SOX6: variants seen among roughly 807,000 people sequenced by gnomAD.
SOX6 encodes transcription factor SOX-6.
In SOX6, 11 loss-of-function variants were observed where a neutral mutation model predicts 97.8. The ratio of observed to expected loss-of-function variants is 0.11; its 90% CI spans 0.07 to 0.19. The LOEUF (loss-of-function observed/expected upper bound fraction) is 0.19, where lower values mean the gene tolerates loss of function less well. SOX6 is among the 10% of genes least tolerant of loss of function. SOX6 has a pLI of 1.00. For missense variants in SOX6, 810 were observed against 1,039.5 expected, an observed-to-expected ratio of 0.78 and a Z score of 3.04; for synonymous variants, 360 against 371.4, an observed-to-expected ratio of 0.97 and a Z score of 0.35.
intron 4 of SOX6, among the ~76,000 whole-genome samples, chr11:16,222,946 G>A (rs548028385): frequency 7.3e-4 from 111 of 151,924 alleles, no homozygotes; most frequent in Middle Eastern, 6.8e-3. Flanking sequence ...AATGCATAAC[G>A]CATCGTTTTA....
intron 6 of SOX6, among the ~76,000 whole-genome samples, chr11:16,152,408 CACAA>C (rs1248076920): frequency 6.6e-6 from 1 of 152,144 alleles, no homozygotes; most frequent in African/African-American, 2.4e-5. Flanking sequence ...ATGCTCACTT[CACAA>C]ACAAATATAA....
chr11:16,215,016 G>A (rs577050112), intron 4 of SOX6, among the ~76,000 whole-genome samples: 6 of 152,076 alleles, frequency 3.9e-5, no homozygotes, highest in Non-Finnish European at 8.8e-5. Flanking sequence ...CCAAAGTGCT[G>A]GGATTACAGG....
chr11:16,523,418 TG>T (rs1450938466), intron 4 of SOX6, among the ~76,000 whole-genome samples: 1 of 152,128 alleles, frequency 6.6e-6, no homozygotes, highest in Non-Finnish European at 1.5e-5. Flanking sequence ...GAAATAAAGA[TG>T]TTCTTTGAAA....
At chr11:16,291,488 T>C (rs1854918763) in intron 3 of SOX6, among the ~76,000 whole-genome samples, 2 of 151,752 alleles carry the variant, frequency 1.3e-5, no homozygotes, top group Non-Finnish European at 2.9e-5. Flanking sequence ...ATTACGTTTT[T>C]TGTTGTTGTT....
intron 6 of SOX6, among the ~76,000 whole-genome samples, chr11:16,173,076 T>C (rs1851081759): frequency 6.6e-6 from 1 of 151,910 alleles, no homozygotes; most frequent in South Asian, 2.1e-4. Context: ...CAGGAAAAGC[T>C]GGTTGGGAGG....
intron 4 of SOX6, among the ~76,000 whole-genome samples, chr11:16,556,364 T>C (rs774928866): frequency 6.8e-4 from 103 of 151,836 alleles, no homozygotes; most frequent in Non-Finnish European, 1.4e-3. Context: ...CTACCAGCAA[T>C]GCTAATCTAA....
chr11:16,116,087 T>C (rs1163789377), intron 6 of SOX6, among the ~76,000 whole-genome samples: 1 of 152,158 alleles, frequency 6.6e-6, no homozygotes, highest in Non-Finnish European at 1.5e-5. Flanking sequence ...AAGTGCCCTT[T>C]ATTAAAGAGA....
chr11:16,308,508 T>C (rs1855503998), intron 3 of SOX6, among the ~76,000 whole-genome samples: 1 of 152,134 alleles, frequency 6.6e-6, no homozygotes, highest in Admixed American at 6.6e-5. Flanking sequence ...AGCCAATATC[T>C]GTAAGGATTC....
intron 12 of SOX6, among the ~76,000 whole-genome samples, chr11:16,042,985 T>C (rs1855715595): frequency 6.6e-6 from 1 of 152,126 alleles, no homozygotes; most frequent in East Asian, 1.9e-4. Context: ...TGAGTCAGCA[T>C]TCAAACATCA....
intron 1 of SOX6, among the ~76,000 whole-genome samples, chr11:16,363,188 C>A (rs898448625): frequency 6.6e-6 from 1 of 152,084 alleles, no homozygotes; most frequent in African/African-American, 2.4e-5. Context: ...GGTAGAAGGA[C>A]AATTTGAGCA....
At chr11:16,395,307 G>A (rs1455403292) in intron 1 of SOX6, among the ~76,000 whole-genome samples, 1 of 151,788 alleles carries the variant, frequency 6.6e-6, no homozygotes, top group Non-Finnish European at 1.5e-5. Context: ...ATAAAATAAA[G>A]GATGAGAAAC....
At chr11:16,235,002 A>G (rs1852973321) in intron 3 of SOX6, among the ~76,000 whole-genome samples, 1 of 152,030 alleles carries the variant, frequency 6.6e-6, no homozygotes, top group Non-Finnish European at 1.5e-5. Flanking sequence ...CTTTCCTATT[A>G]GTTTAACATT....
upstream of SOX6, among the ~76,000 whole-genome samples, chr11:16,477,025 T>TAC (rs1254071168): frequency 9.9e-5 from 15 of 152,240 alleles, no homozygotes; most frequent in African/African-American, 3.6e-4. Context: ...TTTATGCCTC[T>TAC]ACATGCCTAT....
chr11:16,122,281 C>G (rs1214646254), intron 6 of SOX6, among the ~76,000 whole-genome samples: 1 of 152,012 alleles, frequency 6.6e-6, no homozygotes, highest in Admixed American at 6.6e-5. Flanking sequence ...TAGTCAATTA[C>G]TTTAGATATT....
chr11:16,329,198 T>C (rs1170625654), intron 2 of SOX6, among the ~76,000 whole-genome samples: 1 of 152,176 alleles, frequency 6.6e-6, no homozygotes, highest in Non-Finnish European at 1.5e-5. Context: ...AAATAAGCTG[T>C]TGTTTCCTAA....
chr11:16,571,390 G>T (rs1847936547), intron 4 of SOX6, among the ~76,000 whole-genome samples: 1 of 152,082 alleles, frequency 6.6e-6, no homozygotes, highest in African/African-American at 2.4e-5. Context: ...ACATGCCACA[G>T]CAAAGACCTT....
At chr11:16,472,261 T>G (rs1356479055) in intron 1 of SOX6, among the ~76,000 whole-genome samples, 5 of 152,136 alleles carry the variant, frequency 3.3e-5, no homozygotes, top group Admixed American at 6.5e-5. Context: ...TCCTGAAAAC[T>G]TACTAAAGCG....
intron 3 of SOX6, chr11:16,315,981 G>T (rs1246703668): frequency 1.3e-5 from 2 of 152,016 alleles, no homozygotes; most frequent in Admixed American, 1.3e-4. Flanking sequence ...GAGTTTAGTG[G>T]GACTACCAAC....
At chr11:16,389,810 T>C (rs1451805181) in intron 1 of SOX6, among the ~76,000 whole-genome samples, 1 of 150,926 alleles carries the variant, frequency 6.6e-6, no homozygotes, top group Non-Finnish European at 1.5e-5. Flanking sequence ...CTACTAAAAA[T>C]ACAGAAAAAA....
Sources: allele counts gnomAD v4.1 joint callset (sites outside exome capture counted in the v4.1 genomes callset), GRCh38; gene constraint gnomAD v4.1.1; transcripts MANE v1.5; gene names NCBI Gene and HGNC (gene_info 2026-07-23, HGNC 2026-07-21).